TRPM5: variants seen among roughly 807,000 people sequenced by gnomAD.
TRPM5 encodes transient receptor potential cation channel subfamily M member 5.
TRPM5 carries 121 observed loss-of-function variants against 124.9 expected under a neutral mutation model. The observed-to-expected ratio is 0.97, with a 90% confidence interval of 0.84 to 1.13. The LOEUF is 1.13. TRPM5 is among the 50% of genes most tolerant of loss of function. TRPM5 has a pLI of 0.00. For missense variants in TRPM5, 1,643 were observed against 1,589.1 expected (o/e 1.03, Z -0.58); for synonymous variants, 781 against 700.5 (o/e 1.11, Z -1.81).
At chr11:2,404,822 G>GCTGGGGGGCTGGTGCCCC in exon 24 of TRPM5, 1 of 795,676 alleles carries the variant, frequency 1.3e-6, no homozygotes, top group Non-Finnish European at 2.0e-6. Flanking sequence ...GCCATTGTCT[G>GCTGGGGGGCTGGTGCCCC]CTGGGGGGCT....
chr11:2,432,391 G>T, the TRPM5 span, among the ~76,000 whole-genome samples: 1 of 152,344 alleles, frequency 6.6e-6, no homozygotes, highest in East Asian at 1.9e-4. Context: ...CTGCCCCCAC[G>T]GGGCCTCTAT....
intron 4 of TRPM5, among the ~76,000 whole-genome samples, chr11:2,420,003 C>T (rs1378261925): frequency 6.6e-6 from 1 of 152,092 alleles, no homozygotes; most frequent in Non-Finnish European, 1.5e-5. Context: ...CTCTGTCCAG[C>T]TGTGCCTCCT....
chr11:2,444,465 G>C, the TRPM5 span, among the ~76,000 whole-genome samples: 2 of 150,896 alleles, frequency 1.3e-5, no homozygotes, highest in Admixed American at 1.3e-4. Context: ...GTCCTCCTCC[G>C]GGCCAGGCAG....
exon 12 of TRPM5, chr11:2,414,158 A>C: frequency 6.2e-7 from 1 of 1,609,674 alleles, no homozygotes; most frequent in South Asian, 1.1e-5. Flanking sequence ...GCGCACCAGC[A>C]GGGCGAAGGC....
chr11:2,437,526 A>G, the TRPM5 span, among the ~76,000 whole-genome samples: 7 of 152,282 alleles, frequency 4.6e-5, no homozygotes, highest in South Asian at 1.5e-3. The surrounding 1 kb of genome is among the most constrained non-coding windows in gnomAD (Gnocchi z 5.6). Context: ...TGGAGTGACC[A>G]TCTGACATAG....
At chr11:2,409,771 T>C (rs1006622173) in intron 18 of TRPM5, among the ~76,000 whole-genome samples, 1 of 151,930 alleles carries the variant, frequency 6.6e-6, no homozygotes, top group African/African-American at 2.4e-5. Context: ...TCTGAGACTC[T>C]CAGTGGGCGG....
At chr11:2,410,255 C>T (rs960549779) in intron 18 of TRPM5, among the ~76,000 whole-genome samples, 4 of 152,212 alleles carry the variant, frequency 2.6e-5, no homozygotes, top group South Asian at 2.1e-4. Context: ...CACGGCGTCG[C>T]CCCCGCCTGT....
chr11:2,405,714 A>T, intron 22 of TRPM5, 121 bp from the exon 28 acceptor site: 9 of 1,103,470 alleles, frequency 8.2e-6, no homozygotes, highest in Non-Finnish European at 1.2e-5. Context: ...CCTCCCTCTG[A>T]GAGCTGCCGC....
chr11:2,421,332 C>T (rs562581869), intron 2 of TRPM5, 134 bp from the exon 8 acceptor site: 135 of 1,165,044 alleles, frequency 1.2e-4, no homozygotes, highest in South Asian at 9.2e-4. Flanking sequence ...GAATGCCTCA[C>T]GGTGGGGTGG....
chr11:2,430,923 G>C, the TRPM5 span, among the ~76,000 whole-genome samples: 3 of 151,976 alleles, frequency 2.0e-5, no homozygotes, highest in African/African-American at 7.3e-5. Context: ...TTTGGTGGTG[G>C]TGATGGAGGT....
At chr11:2,440,430 T>C in the TRPM5 span, among the ~76,000 whole-genome samples, 8 of 152,180 alleles carry the variant, frequency 5.3e-5, no homozygotes, top group East Asian at 1.5e-3. The surrounding 1 kb of genome is among the most constrained non-coding windows in gnomAD (Gnocchi z 5.2). Flanking sequence ...ACACATCAGC[T>C]TGAGGAATAC....
chr11:2,414,209 GC>G lies in TRPM5; in HGVS notation c.1745-4del, dbSNP rs1057507649. 11 of 1,606,004 alleles carry G rather than the reference GC, an allele frequency of 6.8e-6. No individual in the cohort carries two copies. In the South Asian group the frequency reaches 7.8e-5, roughly 11 times the overall value. Reference sequence around the variant, plus strand: ...GCTGTAGCACTCGGAGAAGAGGTCTGCCCCCGGAGGCCCTGGCCGCTAGGAC... The same window carrying G: ...GCTGTAGCACTCGGAGAAGAGGTCTGCCCCGGAGGCCCTGGCCGCTAGGAC... On this transcript the variant is annotated splice_polypyrimidine_tract_variant and splice_region_variant and intron_variant, in intron 11 of 23. Transcript: ENST00000155858.
intron 18 of TRPM5, among the ~76,000 whole-genome samples, chr11:2,409,994 G>A (rs1221796196): frequency 6.6e-6 from 1 of 152,218 alleles, no homozygotes; most frequent in African/African-American, 2.4e-5. Context: ...AGAAAGAGGG[G>A]ACCCCCAACC....
chr11:2,405,721 C>T, intron 22 of TRPM5, 128 bp from the exon 28 acceptor site: 6 of 1,064,470 alleles, frequency 5.6e-6, no homozygotes, highest in Non-Finnish European at 8.3e-6. Context: ...CTGAGAGCTG[C>T]CGCTCACAGG....
intron 22 of TRPM5, 52 bp downstream of exon 27, chr11:2,405,967 C>G (rs1589864487): frequency 6.5e-7 from 1 of 1,527,464 alleles, no homozygotes; most frequent in Non-Finnish European, 9.0e-7. Context: ...CCCAGTAGCC[C>G]CACGCAGCCA....
chr11:2,437,218 G>A, the TRPM5 span, among the ~76,000 whole-genome samples: 1 of 152,234 alleles, frequency 6.6e-6, no homozygotes, highest in Non-Finnish European at 1.5e-5. The surrounding 1 kb of genome is among the most constrained non-coding windows in gnomAD (Gnocchi z 5.6). Context: ...CACACATACA[G>A]CCTCAGTCTT....
chr11:2,424,474 G>A (rs1189755342), upstream of TRPM5, among the ~76,000 whole-genome samples: 1 of 152,264 alleles, frequency 6.6e-6, no homozygotes, highest in Non-Finnish European at 1.5e-5. Context: ...CTTTGCAGAT[G>A]TATTAAGATG....
At chr11:2,433,059 G>C in the TRPM5 span, among the ~76,000 whole-genome samples, 1 of 152,228 alleles carries the variant, frequency 6.6e-6, no homozygotes, top group Non-Finnish European at 1.5e-5. Context: ...TCCCTGGCCC[G>C]GGCAGCGCCT....
upstream of TRPM5, among the ~76,000 whole-genome samples, chr11:2,427,206 G>A (rs569066040): frequency 2.6e-5 from 4 of 152,208 alleles, no homozygotes; most frequent in South Asian, 2.1e-4. Context: ...GGCCAAAGCC[G>A]CACTGTCCTG....
Sources: allele counts gnomAD v4.1 joint callset (sites outside exome capture counted in the v4.1 genomes callset), GRCh38; gene constraint gnomAD v4.1.1; non-coding constraint Gnocchi (gnomAD v3.1); transcripts MANE v1.5; gene names NCBI Gene and HGNC (gene_info 2026-07-23, HGNC 2026-07-21).